The following CYFIP2 variants were observed in gnomAD, a reference collection of about 807,000 sequenced individuals.
CYFIP2 encodes cytoplasmic FMR1-interacting protein 2.
Under a neutral mutation model 158.7 loss-of-function variants are expected in CYFIP2, and 29 were observed. The ratio of observed to expected loss-of-function variants is 0.18; its 90% CI spans 0.14 to 0.25. The LOEUF is 0.25. CYFIP2 is among the 10% of genes least tolerant of loss of function. CYFIP2 has a pLI of 1.00. For missense variants in CYFIP2, 852 were observed against 1,639.5 expected, an observed-to-expected ratio of 0.52 and a Z score of 8.29; for synonymous variants, 585 against 617.6, an observed-to-expected ratio of 0.95 and a Z score of 0.78.
chr5:157,307,766 G>A lies in CYFIP2; in HGVS notation c.801G>A (p.Met267Ile). 6.2e-7 allele frequency: 1 copy of A among 1,603,450 alleles called. No homozygotes were observed. Among genetic ancestry groups the A allele is most frequent in the Non-Finnish European group, 8.5e-7 (1 of 1,172,252 alleles). The change falls in exon 9 of 31, where the codon ATG (methionine) becomes ATA (isoleucine). Residue 267 changes from methionine to isoleucine, a missense_variant. By Grantham distance (10) the Met-to-Ile change is conservative. This residue lies in a region of CYFIP2 where 133 missense variants were observed against 197.1 expected (regional missense o/e 0.67). Transcript: ENST00000620254. ...PSEKHMLLKV[M>I]GFGLYLMDGN... Reference sequence around the variant, plus strand: ...CTGCCCTCTTCTCATTCTAGGTGATGGGCTTTGGCCTCTACCTAATGGATG... The same window carrying A: ...CTGCCCTCTTCTCATTCTAGGTGATAGGCTTTGGCCTCTACCTAATGGATG...
chr5:157,343,480 G>A (rs1936247505), intron 23 of CYFIP2: 1 of 1,604,914 alleles, frequency 6.2e-7, no homozygotes, highest in East Asian at 2.2e-5. Flanking sequence ...AGGGCTCCGA[G>A]GACGACCAGG....
intron 3 of CYFIP2, among the ~76,000 whole-genome samples, chr5:157,289,207 CAGTT>C (rs1757631152): frequency 6.6e-6 from 1 of 152,166 alleles, no homozygotes; most frequent in African/African-American, 2.4e-5. Flanking sequence ...CTGTCTCACA[CAGTT>C]AGAATTTTAC....
chr5:157,299,834 G>A (rs140090949), intron 5 of CYFIP2, among the ~76,000 whole-genome samples: 7 of 152,276 alleles, frequency 4.6e-5, no homozygotes, highest in African/African-American at 9.6e-5. Flanking sequence ...CCTGAGAGGC[G>A]GAGGTTGCAG....
chr5:157,364,201 T>TGGGGGGGGGGG (rs1330747273), intron 26 of CYFIP2: 4 of 15,104 alleles, frequency 2.6e-4, no homozygotes, highest in Non-Finnish European at 6.5e-4. Flanking sequence ...TGGGGCGGGG[T>TGGGGGGGGGGG]GGCGGGGGGG....
chr5:157,278,000 A>AAAAGGTAC, intron 1 of CYFIP2, among the ~76,000 whole-genome samples: 1 of 152,300 alleles, frequency 6.6e-6, no homozygotes, highest in South Asian at 2.1e-4. Context: ...CTAAACATAG[A>AAAAGGTAC]AAAGGTACAG....
chr5:157,373,161 A>G (rs1765149742), intron 26 of CYFIP2, among the ~76,000 whole-genome samples: 1 of 152,212 alleles, frequency 6.6e-6, no homozygotes. Flanking sequence ...GATTTCAGCC[A>G]TGCCTATTCC....
rs1491562708 is a variant in CYFIP2 at position 157,369,898 on chromosome 5, T to TTA, written c.3039+8300_3039+8301insTA. Among the ~76,000 whole-genome samples the TTA allele has an allele frequency of 5.5e-4, 82 of 149,562 alleles. 1 individual carries two copies. The highest frequency in any genetic ancestry group is 4.5e-3 in the East Asian group (23 of 5,062). ...GACCTAGTTTTTTTTTTTTTTTTTT[T>TTA]AAAGACAGAGTCTTGCTCTGTAACC... is the stretch of plus-strand genomic sequence containing the variant. On this transcript the variant is annotated intron_variant, in intron 26 of 30. Transcript: ENST00000620254.
chr5:157,347,434 G>A (rs949162308), intron 23 of CYFIP2, among the ~76,000 whole-genome samples: 1 of 152,124 alleles, frequency 6.6e-6, no homozygotes, highest in Admixed American at 6.6e-5. Flanking sequence ...TTGCTCTGCA[G>A]CTTGCCCATG....
chr5:157,384,710 C>T, intron 28 of CYFIP2: 1 of 349,404 alleles, frequency 2.9e-6, no homozygotes, highest in South Asian at 2.1e-5. Context: ...AAGGCCGAGG[C>T]AGGCGGATCA....
At chr5:157,330,681 G>T in intron 19 of CYFIP2, 61 bp from the exon 20 acceptor site, 1 of 1,251,534 alleles carries the variant, frequency 8.0e-7, no homozygotes, top group Non-Finnish European at 1.2e-6. Flanking sequence ...AGATGTATCT[G>T]GGCAGTTGAG....
At chr5:157,348,743 T>C (rs1762865667) in intron 23 of CYFIP2, among the ~76,000 whole-genome samples, 1 of 151,966 alleles carries the variant, frequency 6.6e-6, no homozygotes, top group Non-Finnish European at 1.5e-5. Flanking sequence ...TTTTAGTAGA[T>C]ATGAGATCAG....
intron 26 of CYFIP2, chr5:157,377,095 G>T: frequency 3.3e-6 from 1 of 304,962 alleles, no homozygotes; most frequent in South Asian, 2.6e-5. Flanking sequence ...GCTACTCCTG[G>T]CCCTGCTTTC....
chr5:157,297,019 A>G (rs774902269), intron 5 of CYFIP2, among the ~76,000 whole-genome samples: 1 of 152,240 alleles, frequency 6.6e-6, no homozygotes, highest in African/African-American at 2.4e-5. Flanking sequence ...ATACACATTA[A>G]TATTCAGGGA....
chr5:157,375,624 ATTTTTTTTTG>A (rs1765389495), intron 26 of CYFIP2: 4 of 123,014 alleles, frequency 3.3e-5, no homozygotes, highest in Non-Finnish European at 6.5e-5. Context: ...TAAAACGTTG[ATTTTTTTTTG>A]CGATTTTTTT....
chr5:157,390,833 G>A (rs751686502), intron 30 of CYFIP2, among the ~76,000 whole-genome samples, 165 bp downstream of exon 30: 12 of 152,150 alleles, frequency 7.9e-5, no homozygotes, highest in Non-Finnish European at 1.5e-4. Flanking sequence ...TCGTGAGGTC[G>A]TGAGTCACCC....
intron 1 of CYFIP2, among the ~76,000 whole-genome samples, chr5:157,276,668 T>A (rs562919505): frequency 6.6e-6 from 1 of 152,174 alleles, no homozygotes; most frequent in Admixed American, 6.5e-5. Flanking sequence ...CTCAGAAAGG[T>A]TATGTCACCT....
Position 157,311,206 on chromosome 5 carries a change from A to G in CYFIP2, c.993-458A>G. On this transcript the variant is annotated intron_variant, in intron 10 of 30. Coordinates refer to ENST00000620254, the MANE Select transcript of CYFIP2 (RefSeq NM_001037333.3). The surrounding 1 kb of genome is among the most constrained non-coding windows in gnomAD (Gnocchi z 4.7). ...GCCAGGGCACTGTTGGAAAAGAGGC[A>G]CAGTCACATTCATATTTCCGCAATC... The G allele has an allele frequency of 2.4e-6, 1 of 412,864 alleles. No homozygotes were observed. Among genetic ancestry groups the G allele is most frequent in the South Asian group, 1.7e-5 (1 of 57,962 alleles). 25.6% of individuals were successfully genotyped at this position (412,864 alleles called of 1,614,324 possible).
At chr5:157,344,670 C>T (rs972404894) in intron 23 of CYFIP2, among the ~76,000 whole-genome samples, 1 of 152,180 alleles carries the variant, frequency 6.6e-6, no homozygotes, top group African/African-American at 2.4e-5. Context: ...TCATAGTCAG[C>T]CTACGCATAT....
chr5:157,365,954 AATG>A (rs751566017), intron 26 of CYFIP2, among the ~76,000 whole-genome samples: 2 of 152,000 alleles, frequency 1.3e-5, no homozygotes, highest in East Asian at 1.9e-4. Flanking sequence ...TATTATGAAT[AATG>A]ATGTCATGAA....
Sources: allele counts gnomAD v4.1 joint callset (sites outside exome capture counted in the v4.1 genomes callset), GRCh38; gene constraint gnomAD v4.1.1; regional missense constraint gnomAD v4.1.1; non-coding constraint Gnocchi (gnomAD v3.1); transcripts MANE v1.5; gene names NCBI Gene and HGNC (gene_info 2026-07-23, HGNC 2026-07-21).